The following PRMT3 variants were observed in gnomAD, a reference collection of about 807,000 sequenced individuals.
PRMT3 encodes the protein protein arginine N-methyltransferase 3.
A neutral mutation model predicts 71.9 loss-of-function variants in PRMT3; 62 were observed. That is an observed-to-expected ratio of 0.86 (90% CI 0.70 to 1.07). PRMT3 has a LOEUF of 1.07. Among genes scored for constraint, PRMT3 ranks in the 50% least tolerant of loss-of-function variants. The pLI is 0.00. For missense variants in PRMT3, 663 were observed against 643.0 expected (o/e 1.03, Z -0.34); for synonymous variants, 213 against 220.4 (o/e 0.97, Z 0.30).
Position 20,480,890 on chromosome 11 carries a change from G to T in PRMT3, c.1348-13029G>T, listed in dbSNP as rs112764032. On this transcript the variant is annotated intron_variant, in intron 13 of 15. Transcript: ENST00000331079. The stretch of plus-strand genomic sequence containing the variant: ...GCAAATTTAGAGGTGAGGATCAGAT[G>T]CTCAATTATTAGTACGTTGAATTTC... 5.5e-3 allele frequency among the ~76,000 whole-genome samples: 841 copies of T among 152,204 alleles called. 9 individuals are homozygous for T. The highest frequency in any genetic ancestry group is 0.019 in the African/African-American group (797 of 41,546).
chr11:20,395,424 A>G (rs1372159344), intron 5 of PRMT3, among the ~76,000 whole-genome samples: 2 of 151,884 alleles, frequency 1.3e-5, no homozygotes, highest in Admixed American at 6.6e-5. Context: ...GCTCACTGCA[A>G]CCTCCGCTTC....
chr11:20,449,129 G>A lies in PRMT3; in HGVS notation c.994-3001G>A, dbSNP rs1285900837. On this transcript the variant is annotated intron_variant, in intron 10 of 15. Coordinates refer to ENST00000331079, the MANE Select transcript of PRMT3 (RefSeq NM_005788.4). Reference sequence around the variant, plus strand: ...GTGGAAAGTTGAGAGAAAGGACAATGACCATTAGCAATACGTATGTGAATC... The same window carrying A: ...GTGGAAAGTTGAGAGAAAGGACAATAACCATTAGCAATACGTATGTGAATC... Among the ~76,000 whole-genome samples the A allele has an allele frequency of 2.0e-5, 3 of 152,082 alleles. No homozygotes were observed. In the East Asian group the frequency reaches 5.8e-4, roughly 29 times the overall value.
chr11:20,466,610 C>T (rs948965163), intron 13 of PRMT3, among the ~76,000 whole-genome samples: 1 of 152,094 alleles, frequency 6.6e-6, no homozygotes, highest in African/African-American at 2.4e-5. Flanking sequence ...TTTCATAACA[C>T]ATATATGGAA....
intron 15 of PRMT3, among the ~76,000 whole-genome samples, chr11:20,499,709 G>A (rs942189282): frequency 3.3e-5 from 5 of 152,150 alleles, no homozygotes; most frequent in Admixed American, 6.5e-5. Flanking sequence ...ATGGTGAGAT[G>A]ATAGACTTAA....
At chr11:20,500,096 C>A (rs1041358757) in intron 15 of PRMT3, among the ~76,000 whole-genome samples, 1 of 152,108 alleles carries the variant, frequency 6.6e-6, no homozygotes, top group Non-Finnish European at 1.5e-5. Flanking sequence ...GCACAGACAG[C>A]GAGAGCTCCT....
chr11:20,491,226 T>C (rs1851198801), intron 13 of PRMT3, among the ~76,000 whole-genome samples: 1 of 152,226 alleles, frequency 6.6e-6, no homozygotes, highest in Non-Finnish European at 1.5e-5. Flanking sequence ...TTTCTGTCTT[T>C]TGATTCATTC....
At chr11:20,494,986 T>C (rs986840487) in intron 15 of PRMT3, among the ~76,000 whole-genome samples, 4 of 152,152 alleles carry the variant, frequency 2.6e-5, no homozygotes, top group Non-Finnish European at 5.9e-5. Context: ...TAAGCCACTT[T>C]GGGAGGCTGA....
At chr11:20,500,800 T>A (rs1851440801) in intron 15 of PRMT3, among the ~76,000 whole-genome samples, 1 of 152,182 alleles carries the variant, frequency 6.6e-6, no homozygotes, top group South Asian at 2.1e-4. Flanking sequence ...ATTTGAGACT[T>A]TGGAGTGGTT....
In PRMT3 at chr11:20,464,342, A is replaced by G. The variant is rs992805475; in HGVS notation, c.1261-118A>G. On this transcript the variant is annotated intron_variant, in intron 12 of 15. Transcript: ENST00000331079. ...AAAGTTTGCAAAACTTTGGTTTCCA[A>G]TAATCATTTGTGCATAAAAGAAGTA... 66 of 1,376,844 alleles carry G rather than the reference A, an allele frequency of 4.8e-5. No homozygotes were observed. The African/African-American group carries it at 5.5e-4, about 11-fold the overall frequency. The allele number at this position is 1,376,844 out of a possible 1,614,324, so 85.3% of individuals were successfully genotyped here. A position where few individuals can be genotyped will look rare whatever the true frequency, so the allele number is the denominator to read the frequency against.
intron 13 of PRMT3, among the ~76,000 whole-genome samples, chr11:20,490,873 A>C (rs746132699): frequency 6.6e-6 from 1 of 152,174 alleles, no homozygotes; most frequent in Non-Finnish European, 1.5e-5. Context: ...GAGGAAGTCT[A>C]TTGGCAATGA....
At chr11:20,396,093 T>TA (rs1848819923) in intron 6 of PRMT3, 131 bp downstream of exon 6, 3 of 772,562 alleles carry the variant, frequency 3.9e-6, no homozygotes, top group East Asian at 2.8e-5. Flanking sequence ...TTCATACTGT[T>TA]AAAGATATGT....
At chr11:20,389,652 TTAAA>T (rs2133291437) in intron 2 of PRMT3, 88 bp from the exon 3 acceptor site, 1 of 479,360 alleles carries the variant, frequency 2.1e-6, no homozygotes, top group Non-Finnish European at 3.3e-6. Flanking sequence ...ACCAGCAGAG[TTAAA>T]AAAAAAAAAA....
intron 12 of PRMT3, 74 bp from the exon 13 acceptor site, chr11:20,464,386 T>C (rs979952161): frequency 6.7e-7 from 1 of 1,495,796 alleles, no homozygotes; most frequent in Admixed American, 2.4e-5. Flanking sequence ...CTGGGTTGTT[T>C]TTGTTTTATT....
chr11:20,486,767 G>A (rs886445589), intron 13 of PRMT3, among the ~76,000 whole-genome samples: 2 of 152,086 alleles, frequency 1.3e-5, no homozygotes, highest in African/African-American at 4.8e-5. Flanking sequence ...AATGAAGCTG[G>A]ACAACTTGGC....
At chr11:20,399,261 A>C (rs977564120) in intron 7 of PRMT3, among the ~76,000 whole-genome samples, 1 of 152,198 alleles carries the variant, frequency 6.6e-6, no homozygotes, top group African/African-American at 2.4e-5. Flanking sequence ...GGGATATTTG[A>C]TAACATGTAT....
intron 9 of PRMT3, among the ~76,000 whole-genome samples, chr11:20,424,447 C>G (rs180796768): frequency 6.6e-6 from 1 of 152,078 alleles, no homozygotes; most frequent in Non-Finnish European, 1.5e-5. Flanking sequence ...GATAGTTTTC[C>G]CAACAACATT....
At chr11:20,458,108 T>C (rs1850307724) in intron 11 of PRMT3, among the ~76,000 whole-genome samples, 1 of 152,174 alleles carries the variant, frequency 6.6e-6, no homozygotes, top group East Asian at 1.9e-4. Context: ...CTAGTACATT[T>C]TCTTTTATGC....
chr11:20,499,093 T>G (rs1191306856), intron 15 of PRMT3, among the ~76,000 whole-genome samples: 1 of 152,232 alleles, frequency 6.6e-6, no homozygotes, highest in East Asian at 1.9e-4. Context: ...AATAATGTTT[T>G]TAGGCTTAAA....
chr11:20,406,475 T>C (rs915727082), intron 8 of PRMT3: 5 of 152,204 alleles, frequency 3.3e-5, no homozygotes, highest in African/African-American at 1.2e-4. Context: ...AATGTCAGAA[T>C]TTTTTTCATT....
Sources: gnomAD v4.1 joint callset for allele counts (sites outside exome capture counted in the v4.1 genomes callset) on GRCh38, gnomAD v4.1.1 for gene constraint, MANE v1.5 for transcripts, NCBI Gene and HGNC (gene_info 2026-07-23, HGNC 2026-07-21) for gene names.